The following PGM5 variants were observed in gnomAD, a reference collection of about 807,000 sequenced individuals.
PGM5 encodes phosphoglucomutase 5, also known as phosphoglucomutase-like protein 5.
In PGM5, 23 loss-of-function variants were observed where a neutral mutation model predicts 59.2. The ratio of observed to expected loss-of-function variants is 0.39; its 90% CI spans 0.28 to 0.55. The LOEUF (loss-of-function observed/expected upper bound fraction) is 0.55. Ranked by LOEUF, PGM5 falls within the 20% of genes least tolerant of loss-of-function variation. The pLI, the probability that PGM5 is intolerant of heterozygous loss-of-function variation, is 0.66. For synonymous variants in PGM5, 214 were observed against 286.0 expected, an observed-to-expected ratio of 0.75 and a Z score of 2.54; for missense variants, 574 against 748.3, an observed-to-expected ratio of 0.77 and a Z score of 2.72.
intron 10 of PGM5, among the ~76,000 whole-genome samples, chr9:68,525,104 C>G (rs774140377): frequency 6.6e-6 from 1 of 151,606 alleles, no homozygotes; most frequent in Non-Finnish European, 1.5e-5. Flanking sequence ...GAGGCATGGT[C>G]GATGACATGA....
At position 68,417,238 on chromosome 9, in the gene PGM5, C is replaced by T. The variant is rs537664018; in HGVS notation, c.1043+24765C>T. Among the ~76,000 whole-genome samples the T allele has an allele frequency of 2.0e-5, 3 of 152,250 alleles. No homozygotes were observed. The South Asian group carries it at 6.2e-4, about 32-fold the overall frequency. The stretch of plus-strand genomic sequence containing the variant: ...GTCCCATGAAACAGGGTTTCCTTGT[C>T]AAAATACAGTGAGACATAATAACAG... On this transcript the variant is annotated intron_variant, in intron 6 of 10. Coordinates refer to ENST00000396396, the MANE Select transcript of PGM5 (RefSeq NM_021965.4).
intron 9 of PGM5, chr9:68,496,945 A>G (rs1368417601): frequency 6.6e-6 from 1 of 152,216 alleles, no homozygotes; most frequent in Non-Finnish European, 1.5e-5. Flanking sequence ...TGGGTAAGCC[A>G]TAGTTCTGAG....
rs200228098 is a variant in PGM5 at position 68,378,369 on chromosome 9, G to A, written c.424+8G>A. 2 of 1,594,974 alleles carry A rather than the reference G, an allele frequency of 1.3e-6. No individual in the cohort carries two copies. The highest frequency in any genetic ancestry group is 1.7e-6 in the Non-Finnish European group (2 of 1,172,686). ...TTAATGTTGCCAATGGAGGTATGTG[G>A]TTCAGCATATGCCTTAATAATTACG... On this transcript the variant is annotated splice_region_variant and intron_variant, in intron 2 of 10. Transcript: ENST00000396396.
chr9:68,502,121 C>T (rs889977993), intron 10 of PGM5, among the ~76,000 whole-genome samples: 1 of 152,086 alleles, frequency 6.6e-6, no homozygotes, highest in Non-Finnish European at 1.5e-5. Context: ...GAGGATGGGC[C>T]GGGGAGGGCC....
intron 6 of PGM5, among the ~76,000 whole-genome samples, chr9:68,421,893 A>G (rs1486867999): frequency 6.6e-6 from 1 of 152,034 alleles, no homozygotes; most frequent in East Asian, 1.9e-4. Flanking sequence ...TGTTTATAAG[A>G]GATATGTCTA....
At chr9:68,438,113 C>G (rs1375374840) in intron 6 of PGM5, among the ~76,000 whole-genome samples, 1 of 151,772 alleles carries the variant, frequency 6.6e-6, no homozygotes, top group African/African-American at 2.4e-5. Context: ...CATGGCGAAA[C>G]CCTGTCTCTA....
chr9:68,528,739 T>G lies in PGM5; in HGVS notation c.1615-828T>G, dbSNP rs368870949. Among the ~76,000 whole-genome samples, 77 of 152,314 alleles carry G rather than the reference T, an allele frequency of 5.1e-4. 1 individual carries two copies. The South Asian group carries it at 0.012, about 24-fold the overall frequency. On this transcript the variant is annotated intron_variant, in intron 10 of 10. Transcript: ENST00000396396. ...CTATCTTGGTTAAATTGTTAAAGAT[T>G]GGCAGCAAACAGAGTTTCTCCTTGA...
chr9:68,430,728 C>G (rs1394585437), intron 6 of PGM5, among the ~76,000 whole-genome samples: 4 of 152,178 alleles, frequency 2.6e-5, no homozygotes, highest in African/African-American at 9.7e-5. Context: ...TCATATACCC[C>G]TAAGTATATG....
At chr9:68,374,106 G>A (rs1340072569) in intron 1 of PGM5, among the ~76,000 whole-genome samples, 10 of 152,390 alleles carry the variant, frequency 6.6e-5, no homozygotes, top group Admixed American at 5.9e-4. Context: ...GCTATGGAAG[G>A]GCTTCCTAAG....
intron 10 of PGM5, among the ~76,000 whole-genome samples, chr9:68,524,400 C>A (rs1405913632): frequency 6.6e-6 from 1 of 152,108 alleles, no homozygotes; most frequent in Non-Finnish European, 1.5e-5. Flanking sequence ...GGATGCAAGG[C>A]CTGCTTGGTT....
At chr9:68,392,770 CA>C (rs1392557596) in intron 6 of PGM5, among the ~76,000 whole-genome samples, 1 of 151,986 alleles carries the variant, frequency 6.6e-6, no homozygotes, top group Non-Finnish European at 1.5e-5. Context: ...TCATGAAGTA[CA>C]AATGAGGTGC....
chr9:68,486,486 A>G (rs2132095061), intron 9 of PGM5, among the ~76,000 whole-genome samples: 1 of 152,286 alleles, frequency 6.6e-6, no homozygotes, highest in East Asian at 1.9e-4. Flanking sequence ...TTCTGTCTCT[A>G]TGGATTCGCC....
At chr9:68,448,369 C>T (rs1401647514) in intron 6 of PGM5, among the ~76,000 whole-genome samples, 2 of 152,130 alleles carry the variant, frequency 1.3e-5, no homozygotes, top group South Asian at 2.1e-4. Context: ...GGGAAGGCTG[C>T]GTGTAGCCTC....
intron 7 of PGM5, among the ~76,000 whole-genome samples, chr9:68,476,336 G>T (rs1824103276): frequency 6.6e-6 from 1 of 151,832 alleles, no homozygotes; most frequent in Admixed American, 6.6e-5. Flanking sequence ...TGTCCATTGA[G>T]GTTTCTCTTT....
intron 1 of PGM5, among the ~76,000 whole-genome samples, chr9:68,366,545 T>C (rs1328310877): frequency 6.6e-6 from 1 of 152,200 alleles, no homozygotes; most frequent in Non-Finnish European, 1.5e-5. Context: ...GGAGGGGGTG[T>C]ATAATGGGGA....
intron 9 of PGM5, among the ~76,000 whole-genome samples, chr9:68,487,150 G>A (rs1204879857): frequency 6.6e-6 from 1 of 152,146 alleles, no homozygotes; most frequent in Non-Finnish European, 1.5e-5. Context: ...GTATTCTCTT[G>A]TGTTGGAGTC....
At position 68,462,546 on chromosome 9, in the gene PGM5, C is replaced by T. The variant is rs546694990; in HGVS notation, c.1044-2547C>T. On this transcript the variant is annotated intron_variant, in intron 6 of 10. Transcript: ENST00000396396. ...AGTATCCGGTCCTTTAAAATCCAGCCGCAGCTTTCAGCTTGATGACCTCCT... is the reference window on the plus strand; with the variant it reads ...AGTATCCGGTCCTTTAAAATCCAGCTGCAGCTTTCAGCTTGATGACCTCCT... 4.0e-3 allele frequency among the ~76,000 whole-genome samples: 613 copies of T among 152,218 alleles called. 5 individuals are homozygous for T. The highest frequency in any genetic ancestry group is 0.014 in the African/African-American group (583 of 41,522).
intron 6 of PGM5, among the ~76,000 whole-genome samples, chr9:68,410,059 C>G (rs1369146111): frequency 6.6e-6 from 1 of 152,166 alleles, no homozygotes; most frequent in Non-Finnish European, 1.5e-5. Context: ...GCTCTGCCTC[C>G]CTAGTAGGAT....
chr9:68,496,348 C>G (rs1003020289), intron 9 of PGM5, among the ~76,000 whole-genome samples: 1 of 152,170 alleles, frequency 6.6e-6, no homozygotes, highest in Non-Finnish European at 1.5e-5. Context: ...TAAAAGGGGG[C>G]CTCAGCAGAC....
Sources: allele counts gnomAD v4.1 joint callset (sites outside exome capture counted in the v4.1 genomes callset), GRCh38; gene constraint gnomAD v4.1.1; transcripts MANE v1.5; gene names NCBI Gene and HGNC (gene_info 2026-07-23, HGNC 2026-07-21).